The following STPG4 variants were observed in gnomAD, a reference collection of about 807,000 sequenced individuals.
The protein encoded by STPG4 is protein STPG4.
STPG4 carries 41 observed loss-of-function variants against 31.5 expected under a neutral mutation model. The observed-to-expected ratio is 1.30, with a 90% CI of 1.01 to 1.69. The LOEUF (loss-of-function observed/expected upper bound fraction) is 1.69, where lower values mean the gene tolerates loss of function less well. Ranked by LOEUF, STPG4 falls within the 40% of genes most tolerant of loss-of-function variation. The pLI is 0.00. For missense variants in STPG4, 375 were observed against 293.4 expected, an observed-to-expected ratio of 1.28 and a Z score of -2.03; for synonymous variants, 141 against 103.0, an observed-to-expected ratio of 1.37 and a Z score of -2.24.
intron 5 of STPG4, among the ~76,000 whole-genome samples, chr2:47,117,504 C>T (rs185230186): frequency 1.7e-4 from 26 of 152,278 alleles, no homozygotes; most frequent in African/African-American, 5.1e-4. Flanking sequence ...CCACCATGCC[C>T]GGCCCAACAG....
chr2:47,129,065 G>C (rs1178053254), intron 5 of STPG4: 1 of 152,314 alleles, frequency 6.6e-6, no homozygotes, highest in African/African-American at 2.4e-5. Flanking sequence ...GATGTGTCTA[G>C]AAATGTTGTC....
intron 5 of STPG4, among the ~76,000 whole-genome samples, chr2:47,119,676 T>G (rs1686227585): frequency 6.6e-6 from 1 of 151,336 alleles, no homozygotes; most frequent in African/African-American, 2.4e-5. Flanking sequence ...AAAAAAGACG[T>G]AACTATTGTA....
chr2:47,151,123 A>G, intron 3 of STPG4, 135 bp downstream of exon 3: 1 of 1,167,364 alleles, frequency 8.6e-7, no homozygotes, highest in Admixed American at 2.9e-5. Flanking sequence ...TCCTTGTTTG[A>G]TTTCTACGGG....
intron 1 of STPG4, among the ~76,000 whole-genome samples, chr2:47,154,468 G>C (rs1686990736): frequency 6.6e-6 from 1 of 152,208 alleles, no homozygotes; most frequent in Admixed American, 6.5e-5. Flanking sequence ...GTTTTGTTTT[G>C]CCCAAGACAG....
At chr2:47,104,289 G>A (rs938588872) in intron 5 of STPG4, among the ~76,000 whole-genome samples, 2 of 151,978 alleles carry the variant, frequency 1.3e-5, no homozygotes, top group Non-Finnish European at 2.9e-5. Context: ...AAGGATTACG[G>A]AATACTGTTA....
In STPG4 at chr2:47,155,151, C is replaced by CA; in HGVS notation, c.81+19dup. The CA allele has an allele frequency of 1.9e-6, 3 of 1,612,692 alleles. 1 individual carries two copies. The South Asian group carries it at 3.3e-5, about 18-fold the overall frequency. On this transcript the variant is annotated intron_variant, in intron 1 of 6. Coordinates refer to ENST00000445927, the MANE Select transcript of STPG4 (RefSeq NM_001163561.2). ...GTGAGGGGAGCAGGAGCCAGGCCGG[C>CA]AAGGGGCAGGCCATCTTACCGAAGC... is the stretch of plus-strand genomic sequence containing the variant.
chr2:47,093,740 C>T (rs1387841942), intron 5 of STPG4, among the ~76,000 whole-genome samples: 3 of 152,248 alleles, frequency 2.0e-5, no homozygotes, highest in South Asian at 2.1e-4. Context: ...CTAAGATGTG[C>T]TGCAGAAAGA....
chr2:47,127,836 G>A (rs974580969), intron 5 of STPG4, among the ~76,000 whole-genome samples: 2 of 152,062 alleles, frequency 1.3e-5, no homozygotes, highest in Admixed American at 6.6e-5. Context: ...TTGATCACTC[G>A]TGCTTTATTT....
At chr2:47,096,050 G>C (rs1395056301) in intron 5 of STPG4, among the ~76,000 whole-genome samples, 1 of 152,166 alleles carries the variant, frequency 6.6e-6, no homozygotes, top group Non-Finnish European at 1.5e-5. Flanking sequence ...CTGTATACAA[G>C]AGAGAAATCA....
At chr2:47,110,837 T>C (rs374409714) in intron 5 of STPG4, among the ~76,000 whole-genome samples, 4 of 152,232 alleles carry the variant, frequency 2.6e-5, no homozygotes, top group African/African-American at 7.2e-5. Flanking sequence ...TTCCCAATCA[T>C]TGTTTAAAAT....
chr2:47,113,729 C>CT (rs1180693256), intron 5 of STPG4, among the ~76,000 whole-genome samples: 1 of 152,112 alleles, frequency 6.6e-6, no homozygotes, highest in African/African-American at 2.4e-5. Flanking sequence ...TGTGACAATC[C>CT]TTAAAAAGTG....
At chr2:47,114,622 T>C (rs1686108260) in intron 5 of STPG4, among the ~76,000 whole-genome samples, 1 of 152,216 alleles carries the variant, frequency 6.6e-6, no homozygotes, top group Non-Finnish European at 1.5e-5. Context: ...GTGTATGTAA[T>C]CAAAAGTTAT....
intron 3 of STPG4, among the ~76,000 whole-genome samples, chr2:47,131,309 T>C (rs891895766): frequency 7.9e-5 from 12 of 152,000 alleles, no homozygotes; most frequent in Non-Finnish European, 5.9e-5. Flanking sequence ...TTGGTCTTAA[T>C]AGAGACAAAC....
At chr2:47,155,055 G>A (rs372331425) in intron 1 of STPG4, 116 bp downstream of exon 1, 2 of 899,866 alleles carry the variant, frequency 2.2e-6, no homozygotes, top group African/African-American at 1.6e-5. Context: ...GGAGAGAAGG[G>A]TAGGAAGAGG....
At chr2:47,138,100 C>A (rs1188671958) in intron 3 of STPG4, among the ~76,000 whole-genome samples, 4 of 152,104 alleles carry the variant, frequency 2.6e-5, no homozygotes, top group Non-Finnish European at 5.9e-5. Context: ...TTTTCTAATA[C>A]ATGCATTCAA....
chr2:47,148,135 A>G (rs1474785910), intron 3 of STPG4, among the ~76,000 whole-genome samples: 1 of 151,874 alleles, frequency 6.6e-6, no homozygotes, highest in Non-Finnish European at 1.5e-5. Flanking sequence ...TATTTTTCTT[A>G]TAGTAGAGAT....
chr2:47,093,922 A>G (rs1265576925), intron 5 of STPG4, among the ~76,000 whole-genome samples: 1 of 152,244 alleles, frequency 6.6e-6, no homozygotes, highest in South Asian at 2.1e-4. Flanking sequence ...CAACAGCTCT[A>G]GCAGAGTCCC....
At chr2:47,135,561 A>G (rs544126529) in intron 3 of STPG4, among the ~76,000 whole-genome samples, 368 of 151,912 alleles carry the variant, frequency 2.4e-3, no homozygotes, top group African/African-American at 8.5e-3. Flanking sequence ...TAATTTTTAT[A>G]TTTTCAGTAG....
chr2:47,114,455 C>G (rs904506742), intron 5 of STPG4, among the ~76,000 whole-genome samples: 1 of 151,996 alleles, frequency 6.6e-6, no homozygotes, highest in South Asian at 2.1e-4. Flanking sequence ...TGCAGTGAGT[C>G]GAGATCACAT....
Sources: gnomAD v4.1 joint callset for allele counts (sites outside exome capture counted in the v4.1 genomes callset) on GRCh38, gnomAD v4.1.1 for gene constraint, MANE v1.5 for transcripts, NCBI Gene and HGNC (gene_info 2026-07-23, HGNC 2026-07-21) for gene names.